RNF213: variants seen among roughly 807,000 people sequenced by gnomAD.
The protein encoded by RNF213 is E3 ubiquitin-protein ligase RNF213.
RNF213 carries 341 observed loss-of-function variants against 514.4 expected under a neutral mutation model. The observed-to-expected ratio is 0.66, with a 90% CI of 0.61 to 0.73. The LOEUF is 0.73. RNF213 is among the 30% of genes least tolerant of loss of function. The pLI is 0.00. For synonymous variants in RNF213, 2,655 were observed against 2,658.2 expected, an observed-to-expected ratio of 1.00 and a Z score of 0.04; for missense variants, 5,767 against 6,615.6, an observed-to-expected ratio of 0.87 and a Z score of 4.45.
rs2078224532 is a variant in RNF213 at position 80,343,610 on chromosome 17, T to A, written c.6184-247T>A. Among the ~76,000 whole-genome samples the A allele has an allele frequency of 6.6e-6, 1 of 152,210 alleles. No homozygotes were observed. Among genetic ancestry groups the A allele is most frequent in the South Asian group, 2.1e-4 (1 of 4,836 alleles). On this transcript the variant is annotated intron_variant, in intron 27 of 67. Coordinates refer to ENST00000582970, the MANE Select transcript of RNF213 (RefSeq NM_001256071.3). The surrounding 1 kb of genome is among the most constrained non-coding windows in gnomAD (Gnocchi z 4.3). Reference sequence around the variant, plus strand: ...GCCGCAAACCTGTGCTGCATATGGCTGTTCTGAATCCTGGAGCCAATTGTA... The same window carrying A: ...GCCGCAAACCTGTGCTGCATATGGCAGTTCTGAATCCTGGAGCCAATTGTA...
At position 80,368,162 on chromosome 17, in the gene RNF213, CAAG is replaced by C; in HGVS notation, c.12155+22_12155+24del. The C allele has an allele frequency of 6.2e-7, 1 of 1,611,666 alleles. No individual in the cohort carries two copies. The highest frequency in any genetic ancestry group is 1.3e-5 in the African/African-American group (1 of 75,018). On this transcript the variant is annotated intron_variant, in intron 44 of 67. Coordinates refer to ENST00000582970, the MANE Select transcript of RNF213 (RefSeq NM_001256071.3). ...CGCACAGGTACAACACCCTTTCTCT[CAAG>C]AAAGCATCCTTTTTTTCATTTTCCT...
At chr17:80,270,104 G>T (rs72847090) in intron 2 of RNF213, among the ~76,000 whole-genome samples, 2,331 of 152,356 alleles carry the variant, frequency 0.015, 23 homozygotes, top group Non-Finnish European at 0.022. Flanking sequence ...CTGCGTGAAT[G>T]TGTGCGCACA....
chr17:80,392,876 C>T (rs1468893695), intron 67 of RNF213, among the ~76,000 whole-genome samples: 1 of 152,126 alleles, frequency 6.6e-6, no homozygotes, highest in Non-Finnish European at 1.5e-5. Context: ...AGGCGTGAGC[C>T]ACTGCGCCTG....
Position 80,359,061 on chromosome 17 carries a change from T to C in RNF213, c.11054+582T>C, listed in dbSNP as rs115044689. ...CTGCGAACAGCCCCACAATCTGTGC[T>C]CCTTACCCCTGGGATCTGTGCTCCC... On this transcript the variant is annotated intron_variant, in intron 37 of 67. Transcript: ENST00000582970. Among the ~76,000 whole-genome samples, 934 of 152,272 alleles carry C rather than the reference T, an allele frequency of 6.1e-3. 9 individuals carry two copies. Among genetic ancestry groups the C allele is most frequent in the African/African-American group, 0.021 (889 of 41,542 alleles).
At position 80,389,215 on chromosome 17, in the gene RNF213, C is replaced by CGA. The variant is rs1198325846; in HGVS notation, c.15043_15044insGA (p.Leu5015ArgfsTer15). 6.2e-7 allele frequency: 1 copy of CGA among 1,614,082 alleles called. No individual in the cohort carries two copies. The highest frequency in any genetic ancestry group is 8.5e-7 in the Non-Finnish European group (1 of 1,180,020). On this transcript the variant is annotated frameshift_variant, in exon 65 of 68. Transcript: ENST00000582970. LOFTEE classifies it high-confidence loss of function. ...GGTCATTAGTGCCATCAGTGGACAG[C>CGA]TGCAGTCCTACAGCGATGCCTGTGA...
intron 3 of RNF213, among the ~76,000 whole-genome samples, chr17:80,282,502 C>T (rs1187822425): frequency 6.6e-6 from 1 of 151,594 alleles, no homozygotes; most frequent in African/African-American, 2.4e-5. Context: ...AGGTTCACGC[C>T]ATTCTCCTGC....
rs759888992 is a variant in RNF213, at chr17:80,348,119, G to A, written c.9784G>A (p.Ala3262Thr). Residue 3262 changes from alanine (A) to threonine (T), a missense_variant, in exon 29 of 68, where the codon GCT becomes ACT. Around this residue, in one of 13 missense-constraint regions of RNF213, gnomAD observed 919 missense variants for 1,121.0 expected, o/e 0.82. Transcript: ENST00000582970. ...GGCCAAATCGATCCTGCTGAACTGC[G>A]CTACGCCCGATGCCGTGGTCCGGCT... ...EEAKSILLNCATPDAVVRLSA... is the reference protein window; with the variant it reads ...EEAKSILLNCTTPDAVVRLSA... 14 of 1,614,000 alleles carry A rather than the reference G, an allele frequency of 8.7e-6. No individual in the cohort carries two copies. Among genetic ancestry groups the A allele is most frequent in the African/African-American group, 8.0e-5 (6 of 74,958 alleles).
At chr17:80,378,043 T>G (rs537778315) in intron 54 of RNF213, among the ~76,000 whole-genome samples, 79 of 152,312 alleles carry the variant, frequency 5.2e-4, no homozygotes, top group Non-Finnish European at 8.1e-4. Context: ...CTGCAGGCTG[T>G]CTGGCAGTAT....
At position 80,325,127 on chromosome 17, in the gene RNF213, C is replaced by T. The variant is rs138825989; in HGVS notation, c.3122C>T (p.Ala1041Val). The T allele has an allele frequency of 8.8e-5, 136 of 1,536,932 alleles. No individual in the cohort carries two copies. In the East Asian group the frequency reaches 2.0e-3, roughly 22 times the overall value. ...ATCACTAAGTCCTGGCCTAGGACCG[C>T]GGACAACTTCGATGACATTTTAAAG... ...AVITKSWPRT[A>V]DNFDDILKHL... Residue 1041 changes from alanine to valine, a missense_variant, in exon 18 of 68, where the codon GCG becomes GTG. By Grantham distance (64) the Ala-to-Val change is moderately conservative. Coordinates refer to ENST00000582970, the MANE Select transcript of RNF213 (RefSeq NM_001256071.3).
At chr17:80,294,003 G>C (rs1016670532) in intron 8 of RNF213, among the ~76,000 whole-genome samples, 1 of 152,186 alleles carries the variant, frequency 6.6e-6, no homozygotes, top group Admixed American at 6.5e-5. Context: ...ATGGCAGGGG[G>C]CTGAGGAGGC....
At chr17:80,313,674 A>ATGGTTG (rs2045667181) in intron 15 of RNF213, among the ~76,000 whole-genome samples, 1 of 94,284 alleles carries the variant, frequency 1.1e-5, no homozygotes, top group Admixed American at 1.1e-4. Flanking sequence ...GGTGGAGGTA[A>ATGGTTG]TGGAGGTGAT....
chr17:80,329,376 C>T (rs572769798), intron 20 of RNF213, among the ~76,000 whole-genome samples: 26 of 152,390 alleles, frequency 1.7e-4, no homozygotes, highest in African/African-American at 4.1e-4. Flanking sequence ...CAATGTGCTG[C>T]GCCATCATTG....
In RNF213 at chr17:80,339,532, G is replaced by C. The variant is rs914546945; in HGVS notation, c.5165G>C (p.Ser1722Thr). 3 of 1,537,110 alleles carry C rather than the reference G, an allele frequency of 2.0e-6. No individual in the cohort carries two copies. The African/African-American group carries it at 4.1e-5, about 21-fold the overall frequency. ...LSTELRKQPP[S>T]DAALTMLSFI... is the part of the protein sequence containing the mutation. ...ACTGAGCTCAGGAAGCAGCCCCCGA[G>C]TGATGCCGCCCTAACGATGCTATCC... Residue 1722 changes from serine (S) to threonine (T), a missense_variant, in exon 26 of 68, where the codon AGT becomes ACT. Physicochemically the swap from Ser to Thr is moderately conservative, Grantham distance 58. This residue lies in a region of RNF213 where 1,377 missense variants were observed against 1,635.2 expected (regional missense o/e 0.84). Transcript: ENST00000582970.
chr17:80,296,046 G>A (rs1336328871), intron 10 of RNF213, among the ~76,000 whole-genome samples: 3 of 152,000 alleles, frequency 2.0e-5, no homozygotes, highest in East Asian at 1.9e-4. Context: ...CCCAGACGGC[G>A]TCTCACTCTG....
intron 18 of RNF213, 57 bp downstream of exon 18, chr17:80,325,255 T>G (rs2046249880): frequency 6.9e-7 from 1 of 1,449,584 alleles, no homozygotes; most frequent in Admixed American, 2.2e-5. Context: ...TCTTCCTGAT[T>G]GGGAAAGGTG....
intron 26 of RNF213, among the ~76,000 whole-genome samples, chr17:80,342,433 G>T (rs2078179623): frequency 6.6e-6 from 1 of 151,990 alleles, no homozygotes; most frequent in South Asian, 2.1e-4. Flanking sequence ...TCTTGAATCT[G>T]ATGTTATGTT....
Position 80,263,159 on chromosome 17 carries a change from G to T in RNF213, c.-108-415G>T, listed in dbSNP as rs1598869555. Among the ~76,000 whole-genome samples the T allele has an allele frequency of 1.3e-5, 2 of 152,216 alleles. No individual in the cohort carries two copies. The highest frequency in any genetic ancestry group is 4.8e-5 in the African/African-American group (2 of 41,452). On this transcript the variant is annotated intron_variant, in intron 1 of 67. Coordinates refer to ENST00000582970, the MANE Select transcript of RNF213 (RefSeq NM_001256071.3). The surrounding 1 kb of genome is among the most constrained non-coding windows in gnomAD (Gnocchi z 4.9). ...TCAGTGCAGAGTGGCGCGCTTTGTG[G>T]ATGGCAGCCTCCCCCCATTACTAGG...
At chr17:80,273,522 C>G (rs2043900892) in intron 3 of RNF213, 118 bp downstream of exon 3, 6 of 1,315,254 alleles carry the variant, frequency 4.6e-6, no homozygotes, top group Non-Finnish European at 5.3e-6. Flanking sequence ...ATTGAACCTG[C>G]CCACAGGGCA....
In RNF213 at chr17:80,340,082, A is replaced by T. The variant is rs2078106822; in HGVS notation, c.5715A>T (p.Ala1905=). 6.3e-7 allele frequency: 1 copy of T among 1,599,566 alleles called. No homozygotes were observed. The highest frequency in any genetic ancestry group is 1.3e-5 in the African/African-American group (1 of 74,506). ...CAGATCAGCTGAGCTACGAGGTGGC[A>T]CGCCAAGCGGAGGAGCTTTTCCACA... is the stretch of plus-strand genomic sequence containing the variant. ...LFADQLSYEV[A]RQAEELFHNL... is the part of the protein sequence containing the mutation. The change falls in exon 26 of 68, where the codon GCA becomes GCT. Residue 1905 remains alanine (A), a synonymous_variant. Coordinates refer to ENST00000582970, the MANE Select transcript of RNF213 (RefSeq NM_001256071.3).
Sources: gnomAD v4.1 joint callset for allele counts (sites outside exome capture counted in the v4.1 genomes callset) on GRCh38, gnomAD v4.1.1 for gene constraint, gnomAD v4.1.1 regional missense constraint, Gnocchi (gnomAD v3.1) non-coding constraint, MANE v1.5 for transcripts, NCBI Gene and HGNC (gene_info 2026-07-23, HGNC 2026-07-21) for gene names.